Variants in SULT1B1 observed in about 807,000 individuals in gnomAD.
SULT1B1 encodes the protein sulfotransferase 1B1.
A neutral mutation model predicts 34.6 loss-of-function variants in SULT1B1; 28 were observed. That is an observed-to-expected ratio of 0.81 (90% CI 0.60 to 1.11). The LOEUF is 1.11. SULT1B1 is among the 50% of genes least tolerant of loss of function. The probability of loss-of-function intolerance (pLI) is 0.00; values close to 1 mark genes in which losing one functional copy is unlikely to be tolerated. For missense variants in SULT1B1, 374 were observed against 352.2 expected, an observed-to-expected ratio of 1.06 and a Z score of -0.50; for synonymous variants, 147 against 110.2, an observed-to-expected ratio of 1.33 and a Z score of -2.09.
rs1717705820 is a variant in SULT1B1 at position 69,723,135 on chromosome 4, A to G, written c.*3953T>C. ...TTGATAGACCACCAGCAAGACTAAT[A>G]AAGAAGAAAAGAGAGAAGAATCAAA... On this transcript the variant is annotated 3_prime_UTR_variant, in exon 8 of 8. Transcript: ENST00000310613. The G allele has an allele frequency of 6.6e-6, 1 of 152,120 alleles. No homozygotes were observed. Among genetic ancestry groups the G allele is most frequent in the African/African-American group, 2.4e-5 (1 of 41,428 alleles). 9.4% of individuals were successfully genotyped at this position (152,120 alleles called of 1,614,324 possible). A position where few individuals can be genotyped will look rare whatever the true frequency, so the allele number is the denominator to read the frequency against.
At chr4:69,737,093 GA>G (rs994941251) in intron 4 of SULT1B1, among the ~76,000 whole-genome samples, 1 of 150,820 alleles carries the variant, frequency 6.6e-6, no homozygotes, top group African/African-American at 2.4e-5. Flanking sequence ...AAAACTCTTA[GA>G]AAAAAAAGCC....
intron 3 of SULT1B1, among the ~76,000 whole-genome samples, chr4:69,753,793 CAT>C (rs143893050): frequency 0.011 from 1,724 of 152,302 alleles, 24 homozygotes; most frequent in African/African-American, 0.039. Flanking sequence ...GATGTGTAAA[CAT>C]ATTACATTCT....
At chr4:69,727,374 G>A (rs1333476733) in intron 7 of SULT1B1, among the ~76,000 whole-genome samples, 174 bp from the exon 8 acceptor site, 1 of 151,856 alleles carries the variant, frequency 6.6e-6, no homozygotes, top group Non-Finnish European at 1.5e-5. Flanking sequence ...TTTAAAATTT[G>A]AATAATTTTT....
At position 69,722,456 on chromosome 4, in the gene SULT1B1, G is replaced by A. The variant is rs150265296; in HGVS notation, c.*4632C>T. On this transcript the variant is annotated 3_prime_UTR_variant, in exon 8 of 8. Coordinates refer to ENST00000310613, the MANE Select transcript of SULT1B1 (RefSeq NM_014465.4). ...AAGATAATAGAGGAAATAGATACAT[G>A]ATTTAGTTTACTTCTCGTGGACAAG... 1 of 152,206 alleles carries A rather than the reference G, an allele frequency of 6.6e-6. No individual in the cohort carries two copies. Among genetic ancestry groups the A allele is most frequent in the Non-Finnish European group, 1.5e-5 (1 of 67,988 alleles). 9.4% of individuals were successfully genotyped at this position (152,206 alleles called of 1,614,324 possible).
intron 7 of SULT1B1, among the ~76,000 whole-genome samples, 190 bp downstream of exon 7, chr4:69,730,311 T>C (rs1718022775): frequency 3.3e-5 from 5 of 152,152 alleles, no homozygotes; most frequent in Non-Finnish European, 7.4e-5. Context: ...ATATTCAAGG[T>C]ATTCTAGTAA....
At chr4:69,735,608 T>C (rs1847364) in intron 4 of SULT1B1, among the ~76,000 whole-genome samples, 67,767 of 152,030 alleles carry the variant, frequency 0.45, 15,352 homozygotes, top group East Asian at 0.63. Context: ...CTAACAAGAG[T>C]GGGAAGTCCA....
chr4:69,747,025 C>A (rs1398838624), intron 4 of SULT1B1, among the ~76,000 whole-genome samples: 1 of 152,142 alleles, frequency 6.6e-6, no homozygotes, highest in East Asian at 1.9e-4. Context: ...AGAGCGAGAA[C>A]CTTTGCTTTG....
intron 4 of SULT1B1, among the ~76,000 whole-genome samples, chr4:69,744,439 C>T (rs539252295): frequency 2.0e-5 from 3 of 152,268 alleles, no homozygotes; most frequent in East Asian, 3.9e-4. Flanking sequence ...GTCCCACTGC[C>T]GCCTTTGCTG....
chr4:69,733,551 T>G (rs780838232), intron 5 of SULT1B1, 44 bp from the exon 6 acceptor site: 2 of 1,388,016 alleles, frequency 1.4e-6, no homozygotes, highest in East Asian at 4.8e-5. Context: ...TTCATCAAAT[T>G]AAATATTTCT....
At chr4:69,759,299 C>T (rs1184401479) in intron 1 of SULT1B1, among the ~76,000 whole-genome samples, 1 of 152,200 alleles carries the variant, frequency 6.6e-6, no homozygotes, top group Non-Finnish European at 1.5e-5. Flanking sequence ...TGTGATCATA[C>T]TGAAAATTTA....
At position 69,730,689 on chromosome 4, in the gene SULT1B1, T is replaced by C; in HGVS notation, c.598-8A>G. 1 of 1,608,960 alleles carries C rather than the reference T, an allele frequency of 6.2e-7. No homozygotes were observed. The highest frequency in any genetic ancestry group is 8.5e-7 in the Non-Finnish European group (1 of 1,178,182). ...GATTTCCTCCTTTGGATTCTATTAG[T>C]GGGTAAAACCCAAGACAATAAACAA... On this transcript the variant is annotated splice_region_variant and splice_polypyrimidine_tract_variant and intron_variant, in intron 6 of 7. Coordinates refer to ENST00000310613, the MANE Select transcript of SULT1B1 (RefSeq NM_014465.4).
intron 4 of SULT1B1, among the ~76,000 whole-genome samples, chr4:69,749,013 G>A (rs896093121): frequency 2.4e-4 from 36 of 151,952 alleles, no homozygotes; most frequent in Admixed American, 1.8e-3. Context: ...GAGAAAAAAA[G>A]CAGAAATCTA....
At chr4:69,727,724 A>G (rs1318051331) in intron 7 of SULT1B1, among the ~76,000 whole-genome samples, 1 of 152,032 alleles carries the variant, frequency 6.6e-6, no homozygotes, top group Non-Finnish European at 1.5e-5. Context: ...TCCTAAATTC[A>G]CTAGGCTTGT....
Position 69,724,590 on chromosome 4 carries a change from C to A in SULT1B1, c.*2498G>T, listed in dbSNP as rs1717751129. 6.6e-6 allele frequency: 1 copy of A among 152,212 alleles called. No individual in the cohort carries two copies. The highest frequency in any genetic ancestry group is 1.5e-5 in the Non-Finnish European group (1 of 68,084). The allele number at this position is 152,212 out of a possible 1,614,324, so 9.4% of individuals were successfully genotyped here. ...TCAATCCTAAGCCAAAAGAGCAAAGCTGGAAGCATCATACTACCTGACTTC... is the reference window on the plus strand; with the variant it reads ...TCAATCCTAAGCCAAAAGAGCAAAGATGGAAGCATCATACTACCTGACTTC... On this transcript the variant is annotated 3_prime_UTR_variant, in exon 8 of 8. Coordinates refer to ENST00000310613, the MANE Select transcript of SULT1B1 (RefSeq NM_014465.4).
rs756401092 is a variant in SULT1B1 at position 69,733,363 on chromosome 4, C to A, written c.597+50G>T. On this transcript the variant is annotated intron_variant, in intron 6 of 7. Transcript: ENST00000310613. ...TGGAAAGCAAATATCAACCCTTTTA[C>A]AGCATGATGCAGTGGGGAAATTATC... is the stretch of plus-strand genomic sequence containing the variant. 70 of 1,320,924 alleles carry A rather than the reference C, an allele frequency of 5.3e-5. 5 individuals carry two copies. The South Asian group carries it at 9.7e-4, about 18-fold the overall frequency. The allele number at this position is 1,320,924 out of a possible 1,614,324, so 81.8% of individuals were successfully genotyped here.
In SULT1B1 at chr4:69,747,840, T is replaced by A. The variant is rs150867597; in HGVS notation, c.375+1881A>T. Among the ~76,000 whole-genome samples the A allele has an allele frequency of 3.8e-4, 58 of 152,248 alleles. 1 individual carries two copies. In the East Asian group the frequency reaches 0.011, roughly 29 times the overall value. On this transcript the variant is annotated intron_variant, in intron 4 of 7. Coordinates refer to ENST00000310613, the MANE Select transcript of SULT1B1 (RefSeq NM_014465.4). ...GCTGTGCGGGGCCAGGAATGAGTCATGGTGCTCAGCAAACCTATGCAGGAT... is the reference window on the plus strand; with the variant it reads ...GCTGTGCGGGGCCAGGAATGAGTCAAGGTGCTCAGCAAACCTATGCAGGAT...
intron 1 of SULT1B1, among the ~76,000 whole-genome samples, chr4:69,756,124 A>C (rs1458661757): frequency 6.6e-6 from 1 of 152,092 alleles, no homozygotes; most frequent in Non-Finnish European, 1.5e-5. Context: ...CTGGCTGTTC[A>C]ATTTCAATAT....
At chr4:69,740,420 A>T (rs1409877171) in intron 4 of SULT1B1, among the ~76,000 whole-genome samples, 1 of 152,196 alleles carries the variant, frequency 6.6e-6, no homozygotes, top group East Asian at 1.9e-4. Flanking sequence ...GGTACTTATA[A>T]AACTATCAGG....
intron 4 of SULT1B1, among the ~76,000 whole-genome samples, chr4:69,742,777 C>G (rs1290793129): frequency 6.6e-6 from 1 of 152,198 alleles, no homozygotes; most frequent in South Asian, 2.1e-4. Context: ...ATGTGTGGAG[C>G]AGCAATGGGT....
Sources: allele counts gnomAD v4.1 joint callset (sites outside exome capture counted in the v4.1 genomes callset), GRCh38; gene constraint gnomAD v4.1.1; transcripts MANE v1.5; gene names NCBI Gene and HGNC (gene_info 2026-07-23, HGNC 2026-07-21).